Variants in SLC8B1 observed in about 807,000 individuals in gnomAD.
SLC8B1 encodes the protein solute carrier family 8 member B1, also known as mitochondrial sodium/calcium exchanger protein.
A neutral mutation model predicts 63.4 loss-of-function variants in SLC8B1; 52 were observed. The observed-to-expected ratio is 0.82, with a 90% CI of 0.66 to 1.03. The LOEUF (loss-of-function observed/expected upper bound fraction) is 1.03, where lower values mean the gene tolerates loss of function less well. Ranked by LOEUF, SLC8B1 falls within the 50% of genes least tolerant of loss-of-function variation. The probability of loss-of-function intolerance (pLI) is 0.00; values close to 1 mark genes in which losing one functional copy is unlikely to be tolerated. For synonymous variants in SLC8B1, 336 were observed against 323.9 expected, an observed-to-expected ratio of 1.04 and a Z score of -0.40; for missense variants, 657 against 741.7, an observed-to-expected ratio of 0.89 and a Z score of 1.33.
chr12:113,319,480 G>A (rs1393218462), intron 7 of SLC8B1, among the ~76,000 whole-genome samples: 2 of 152,242 alleles, frequency 1.3e-5, no homozygotes, highest in East Asian at 1.9e-4. Flanking sequence ...TCCCTGTTGC[G>A]TGTCTCTGGC....
Position 113,299,764 on chromosome 12 carries a change from T to C in SLC8B1, c.*13A>G, listed in dbSNP as rs111741034. 748 of 1,613,674 alleles carry C rather than the reference T, an allele frequency of 4.6e-4. 7 individuals are homozygous for C. The African/African-American group carries it at 8.3e-3, about 18-fold the overall frequency. On this transcript the variant is annotated 3_prime_UTR_variant, in exon 16 of 16. Transcript: ENST00000680972. The stretch of plus-strand genomic sequence containing the variant: ...CCTGCCTGCAGTGAGGCCACAGCAC[T>C]AAGCGGCTTCAGTCACATGCTTTTC...
chr12:113,330,713 T>C (rs986573235), intron 2 of SLC8B1, among the ~76,000 whole-genome samples: 3 of 152,180 alleles, frequency 2.0e-5, no homozygotes, highest in East Asian at 1.9e-4. Flanking sequence ...ATGGGCTTAA[T>C]TGCCTGTTGC....
At chr12:113,319,729 T>C (rs1956893823) in intron 7 of SLC8B1, among the ~76,000 whole-genome samples, 1 of 152,242 alleles carries the variant, frequency 6.6e-6, no homozygotes, top group South Asian at 2.1e-4. Context: ...ATGTTTGCTG[T>C]CACGATCCGG....
At chr12:113,330,639 G>C (rs1016232098) in intron 2 of SLC8B1, among the ~76,000 whole-genome samples, 1 of 152,186 alleles carries the variant, frequency 6.6e-6, no homozygotes, top group African/African-American at 2.4e-5. Flanking sequence ...CAAGGAGCAC[G>C]CTCCAAGAGG....
rs115771169 is a variant in SLC8B1, at chr12:113,332,889, G to A, written c.-11C>T. The stretch of plus-strand genomic sequence containing the variant: ...CCTTCTGCCGGCCATCTGCCCCCAC[G>A]GGGCCTGGCCCTTACTCTCCACTTC... On this transcript the variant is annotated 5_prime_UTR_variant, in exon 2 of 16. Coordinates refer to ENST00000680972, the MANE Select transcript of SLC8B1 (RefSeq NM_001358345.2). 3,755 of 1,613,236 alleles carry A rather than the reference G, an allele frequency of 2.3e-3. 66 individuals carry two copies. In the African/African-American group the frequency reaches 0.044, roughly 19 times the overall value.
At chr12:113,310,746 T>A (rs1236361666) in intron 11 of SLC8B1, among the ~76,000 whole-genome samples, 3 of 152,148 alleles carry the variant, frequency 2.0e-5, no homozygotes, top group Non-Finnish European at 4.4e-5. Context: ...AACCTGACAG[T>A]CAAACCCAGC....
At chr12:113,310,453 C>T (rs1055778476) in intron 11 of SLC8B1, 98 bp from the exon 12 acceptor site, 9 of 1,491,138 alleles carry the variant, frequency 6.0e-6, no homozygotes, top group Non-Finnish European at 8.1e-6. Context: ...CCTATCTGCC[C>T]AGCCCTGTCC....
chr12:113,308,805 T>G (rs923328659), intron 12 of SLC8B1: 1 of 152,198 alleles, frequency 6.6e-6, no homozygotes. Context: ...TTTCCAAAAG[T>G]AAAAACTAAA....
At chr12:113,318,454 G>A (rs1956873710) in intron 8 of SLC8B1, among the ~76,000 whole-genome samples, 1 of 151,426 alleles carries the variant, frequency 6.6e-6, no homozygotes, top group African/African-American at 2.4e-5. Flanking sequence ...TGTATGTGTT[G>A]TATGTGTGCA....
intron 15 of SLC8B1, among the ~76,000 whole-genome samples, chr12:113,303,141 A>ACACACACACACGCGCG (rs773636454): frequency 2.1e-5 from 3 of 145,638 alleles, no homozygotes; most frequent in African/African-American, 7.9e-5. Context: ...ACACACACAC[A>ACACACACACACGCGCG]CGCGCGCGCA....
In SLC8B1 at chr12:113,317,018, C is replaced by A; in HGVS notation, c.803-17G>T. 6.2e-7 allele frequency: 1 copy of A among 1,608,894 alleles called. No individual in the cohort carries two copies. On this transcript the variant is annotated splice_polypyrimidine_tract_variant and intron_variant, in intron 8 of 15. Coordinates refer to ENST00000680972, the MANE Select transcript of SLC8B1 (RefSeq NM_001358345.2). ...AGAGGATCTCTGCAGGAGAGAGGCC[C>A]AGTTACATACAGAACCCAGACCATT...
At chr12:113,318,412 ATTTG>A (rs1418936413) in intron 8 of SLC8B1, among the ~76,000 whole-genome samples, 1 of 150,480 alleles carries the variant, frequency 6.6e-6, no homozygotes. Flanking sequence ...GTGTGCATAT[ATTTG>A]TATGTGTGTT....
rs138122858 is a variant in SLC8B1 at position 113,307,769 on chromosome 12, G to A, written c.1333C>T (p.Arg445Trp). ...AAATEVVNIL[R>W]SLGVVFRLSN... ...AGCCGGAAGACCACACCCAGGGACC[G>A]CAAGATGTTCACCACCTCTGTGGCG... is the stretch of plus-strand genomic sequence containing the variant. Residue 445 changes from arginine to tryptophan, a missense_variant, in exon 13 of 16, where the codon CGG becomes TGG. By Grantham distance (101) the Arg-to-Trp change is moderately radical. Transcript: ENST00000680972. 9.4e-5 allele frequency: 151 copies of A among 1,613,778 alleles called. No individual in the cohort carries two copies. The highest frequency in any genetic ancestry group is 1.2e-4 in the Non-Finnish European group (141 of 1,180,046).
chr12:113,310,149 A>C (rs1956736413), intron 12 of SLC8B1, 85 bp downstream of exon 12: 7 of 1,506,734 alleles, frequency 4.6e-6, no homozygotes, highest in Non-Finnish European at 6.2e-6. Flanking sequence ...AACTGGTCAA[A>C]GTGCCTCAGA....
intron 2 of SLC8B1, among the ~76,000 whole-genome samples, chr12:113,324,054 G>A (rs923531292): frequency 6.6e-6 from 1 of 152,150 alleles, no homozygotes; most frequent in African/African-American, 2.4e-5. Context: ...GCTCACACCT[G>A]TAATCCCAAC....
chr12:113,317,496 A>G (rs1343429713), intron 8 of SLC8B1, among the ~76,000 whole-genome samples: 1 of 152,246 alleles, frequency 6.6e-6, no homozygotes, highest in Non-Finnish European at 1.5e-5. Flanking sequence ...GTAAGCATGC[A>G]GCTATAATGC....
chr12:113,319,528 C>G (rs1338065537), intron 7 of SLC8B1, among the ~76,000 whole-genome samples: 37 of 152,282 alleles, frequency 2.4e-4, no homozygotes, highest in Non-Finnish European at 1.5e-5. Flanking sequence ...TCCAGGCCTC[C>G]AGCCCTCCAA....
intron 13 of SLC8B1, among the ~76,000 whole-genome samples, chr12:113,307,402 G>A (rs906659744): frequency 2.6e-5 from 4 of 152,072 alleles, no homozygotes; most frequent in African/African-American, 4.8e-5. Flanking sequence ...CATCAAGCAC[G>A]GCCGGCTGCA....
intron 11 of SLC8B1, among the ~76,000 whole-genome samples, chr12:113,312,330 A>G (rs183510598): frequency 2.4e-4 from 36 of 152,278 alleles, no homozygotes; most frequent in Admixed American, 2.0e-3. Flanking sequence ...GCTACTTGGG[A>G]GACTGAGGCA....
Sources: gnomAD v4.1 joint callset for allele counts (sites outside exome capture counted in the v4.1 genomes callset) on GRCh38, gnomAD v4.1.1 for gene constraint, MANE v1.5 for transcripts, NCBI Gene and HGNC (gene_info 2026-07-23, HGNC 2026-07-21) for gene names.